Variants in TSC1 observed in about 807,000 individuals in gnomAD.
TSC1 encodes the protein hamartin.
In TSC1, 20 loss-of-function variants were observed where a neutral mutation model predicts 124.3. The observed-to-expected ratio is 0.16, with a 90% CI of 0.11 to 0.23. TSC1 has a LOEUF of 0.23. Ranked by LOEUF, TSC1 falls within the 10% of genes least tolerant of loss-of-function variation. The probability of loss-of-function intolerance (pLI) is 1.00; values close to 1 mark genes in which losing one functional copy is unlikely to be tolerated. For synonymous variants in TSC1, 493 were observed against 539.1 expected (o/e 0.91, Z 1.19); for missense variants, 1,124 against 1,448.5 (o/e 0.78, Z 3.64).
rs1845311671 is a variant in TSC1, at chr9:132,900,552, T to C, written c.2625+163A>G. On this transcript the variant is annotated intron_variant, in intron 20 of 22. Transcript: ENST00000298552. ...CAATAGGAGAAACAAGCTCACATGG[T>C]GGCTGGAAAGTGCTTGTATAGCTGG... 3.5e-6 allele frequency: 4 copies of C among 1,145,042 alleles called. No homozygotes were observed. In the South Asian group the frequency reaches 3.8e-5, roughly 11 times the overall value. 70.9% of individuals were successfully genotyped at this position (1,145,042 alleles called of 1,614,324 possible). A position where few individuals can be genotyped will look rare whatever the true frequency, so the allele number is the denominator to read the frequency against.
rs1844839134 is a variant in TSC1, at chr9:132,892,773, T to A, written c.*3462A>T. 4.3e-6 allele frequency: 1 copy of A among 233,254 alleles called. No homozygotes were observed. Among genetic ancestry groups the A allele is most frequent in the African/African-American group, 2.2e-5 (1 of 45,368 alleles). The allele number at this position is 233,254 out of a possible 1,614,324, so 14.4% of individuals were successfully genotyped here. A position where few individuals can be genotyped will look rare whatever the true frequency, so the allele number is the denominator to read the frequency against. On this transcript the variant is annotated 3_prime_UTR_variant, in exon 23 of 23. Coordinates refer to ENST00000298552, the MANE Select transcript of TSC1 (RefSeq NM_000368.5). ...TTGTCACAGCACACTTCAGTTCTGC[T>A]GGCTACATGAAACGCATACCCAGTT...
At chr9:132,900,570 A>G (rs916949752) in intron 20 of TSC1, 145 bp downstream of exon 20, 7 of 1,373,904 alleles carry the variant, frequency 5.1e-6, no homozygotes, top group Admixed American at 1.7e-5. Flanking sequence ...AAGTGCTTGT[A>G]TAGCTGGACC....
intron 12 of TSC1, 113 bp downstream of exon 12, chr9:132,910,458 C>T: frequency 6.4e-7 from 1 of 1,573,118 alleles, no homozygotes; most frequent in Non-Finnish European, 8.7e-7. Context: ...CTGATTCAAA[C>T]CCATTGCATT....
intron 1 of TSC1, among the ~76,000 whole-genome samples, chr9:132,938,491 A>G (rs1432569461): frequency 6.6e-6 from 1 of 152,272 alleles, no homozygotes; most frequent in Admixed American, 6.5e-5. Context: ...TTTGAGGAAG[A>G]AGATAAGGGC....
intron 9 of TSC1, among the ~76,000 whole-genome samples, chr9:132,911,906 T>C (rs1845986786): frequency 1.3e-5 from 2 of 152,178 alleles, no homozygotes; most frequent in South Asian, 4.1e-4. Flanking sequence ...CAATTCTAAA[T>C]TGTTCCGACT....
chr9:132,911,315 G>C, intron 10 of TSC1, 138 bp downstream of exon 10: 1 of 844,476 alleles, frequency 1.2e-6, no homozygotes, highest in South Asian at 1.3e-5. Context: ...AACTTTCTTT[G>C]CTAATATCAT....
intron 1 of TSC1, among the ~76,000 whole-genome samples, chr9:132,939,468 AG>A (rs1287987823): frequency 2.0e-5 from 3 of 152,218 alleles, no homozygotes; most frequent in Non-Finnish European, 4.4e-5. Context: ...TTCTGCCATC[AG>A]GGGCCTTGAT....
At chr9:132,935,839 C>G (rs926317188) in intron 1 of TSC1, among the ~76,000 whole-genome samples, 2 of 152,248 alleles carry the variant, frequency 1.3e-5, no homozygotes, top group Admixed American at 1.3e-4. Flanking sequence ...CTTAAATGCT[C>G]ACTTCCTCAG....
At chr9:132,900,878 T>C in intron 19 of TSC1, 41 bp from the exon 20 acceptor site, 1 of 1,612,990 alleles carries the variant, frequency 6.2e-7, no homozygotes, top group South Asian at 1.1e-5. Context: ...TCCGACGACA[T>C]AAAACTAGCA....
Position 132,923,320 on chromosome 9 carries a change from C to G in TSC1, c.508+28G>C, listed in dbSNP as rs752527525. ...TAATGAAAGCATTCACCTCACAGGG[C>G]CCAACAGGTATATGAGGAGATCTGT... On this transcript the variant is annotated intron_variant, in intron 6 of 22. Transcript: ENST00000298552. The surrounding 1 kb of genome is among the most constrained non-coding windows in gnomAD (Gnocchi z 4.2). 1 of 1,612,818 alleles carries G rather than the reference C, an allele frequency of 6.2e-7. No individual in the cohort carries two copies. Among genetic ancestry groups the G allele is most frequent in the African/African-American group, 1.3e-5 (1 of 74,860 alleles).
intron 1 of TSC1, among the ~76,000 whole-genome samples, chr9:132,936,228 C>G (rs1168688506): frequency 6.6e-6 from 1 of 152,180 alleles, no homozygotes; most frequent in Non-Finnish European, 1.5e-5. Flanking sequence ...GATCCTCCCA[C>G]CTCAGCCTCC....
At position 132,891,737 on chromosome 9, in the gene TSC1, C is replaced by T; in HGVS notation, c.*4498G>A. 4.3e-6 allele frequency: 1 copy of T among 233,692 alleles called. No individual in the cohort carries two copies. The highest frequency in any genetic ancestry group is 8.5e-6 in the Non-Finnish European group (1 of 118,050). The allele number at this position is 233,692 out of a possible 1,614,324, so 14.5% of individuals were successfully genotyped here. On this transcript the variant is annotated 3_prime_UTR_variant, in exon 23 of 23. Coordinates refer to ENST00000298552, the MANE Select transcript of TSC1 (RefSeq NM_000368.5). ...TGTTCCTCCGTAATATATTTGTGGT[C>T]CATAGAAGTCTTCTGAAAAGTGATT... is the stretch of plus-strand genomic sequence containing the variant.
In TSC1 at chr9:132,923,666, C is replaced by A; in HGVS notation, c.364-174G>T. 1 of 864,144 alleles carries A rather than the reference C, an allele frequency of 1.2e-6. No individual in the cohort carries two copies. Among genetic ancestry groups the A allele is most frequent in the Non-Finnish European group, 1.8e-6 (1 of 550,478 alleles). 53.5% of individuals were successfully genotyped at this position (864,144 alleles called of 1,614,324 possible). ...TGAAGGGATAACATTCAAACAGACT[C>A]AACAGAACACTGAGCCCCAACTCTA... On this transcript the variant is annotated intron_variant, in intron 5 of 22. Coordinates refer to ENST00000298552, the MANE Select transcript of TSC1 (RefSeq NM_000368.5). The surrounding 1 kb of genome is among the most constrained non-coding windows in gnomAD (Gnocchi z 4.2).
In TSC1 at chr9:132,896,730, G is replaced by C. The variant is rs552217429; in HGVS notation, c.3000C>G (p.Cys1000Trp). ...EERLDCCNDGCSDSMVGHNEE... is the reference protein window; with the variant it reads ...EERLDCCNDGWSDSMVGHNEE... ...CATTGTGCCCTACCATGGAATCTGA[G>C]CACCCGTCATTACAACAGTCAAGCC... Residue 1000 changes from cysteine to tryptophan, a missense_variant, in exon 23 of 23, where the codon TGC (cysteine) becomes TGG (tryptophan). Cys to Trp is a radical substitution (Grantham distance 215, BLOSUM62 -2). Coordinates refer to ENST00000298552, the MANE Select transcript of TSC1 (RefSeq NM_000368.5). This position sits in a 1 kb window ranked among gnomAD's most constrained non-coding sequence, Gnocchi z 4.5. 3.1e-6 allele frequency: 5 copies of C among 1,613,730 alleles called. No homozygotes were observed. Among genetic ancestry groups the C allele is most frequent in the Middle Eastern group, 1.6e-4 (1 of 6,062 alleles).
intron 2 of TSC1, among the ~76,000 whole-genome samples, chr9:132,929,522 G>A (rs3827665): frequency 0.092 from 14,030 of 152,182 alleles, 638 homozygotes; most frequent in African/African-American, 0.11. Context: ...CTACAGGGAG[G>A]TATCCATAGA....
chr9:132,903,778 T>C lies in TSC1; in HGVS notation c.2081A>G (p.Gln694Arg). 1 of 1,613,944 alleles carries C rather than the reference T, an allele frequency of 6.2e-7. No individual in the cohort carries two copies. The highest frequency in any genetic ancestry group is 8.5e-7 in the Non-Finnish European group (1 of 1,180,024). ...PSDEIRTLRD[Q>R]LLLLHNQLLY... is the part of the protein sequence containing the mutation. ...TAACTGGTTGTGCAGTAAAAGCAAC[T>C]GGTCTCGGAGGGTGCGGATCTCATC... The change falls in exon 17 of 23, where the codon CAG becomes CGG. Residue 694 changes from glutamine (Q) to arginine (R), a missense_variant. Coordinates refer to ENST00000298552, the MANE Select transcript of TSC1 (RefSeq NM_000368.5). The surrounding 1 kb of genome is among the most constrained non-coding windows in gnomAD (Gnocchi z 5.9).
chr9:132,923,240 T>C lies in TSC1; in HGVS notation c.508+108A>G. The C allele has an allele frequency of 6.8e-7, 1 of 1,471,376 alleles. No homozygotes were observed. Among genetic ancestry groups the C allele is most frequent in the Admixed American group, 2.2e-5 (1 of 46,138 alleles). The allele number at this position is 1,471,376 out of a possible 1,614,324, so 91.1% of individuals were successfully genotyped here. A position where few individuals can be genotyped will look rare whatever the true frequency, so the allele number is the denominator to read the frequency against. Reference sequence around the variant, plus strand: ...CATCTGTCTGGTGAAAACCACTCATTTCAGCTATAAAAGTCTACATGTCCA... The same window carrying C: ...CATCTGTCTGGTGAAAACCACTCATCTCAGCTATAAAAGTCTACATGTCCA... On this transcript the variant is annotated intron_variant, in intron 6 of 22. Coordinates refer to ENST00000298552, the MANE Select transcript of TSC1 (RefSeq NM_000368.5). The surrounding 1 kb of genome is among the most constrained non-coding windows in gnomAD (Gnocchi z 4.2).
intron 2 of TSC1, among the ~76,000 whole-genome samples, 165 bp from the exon 3 acceptor site, chr9:132,929,117 A>C (rs1847061344): frequency 6.6e-6 from 1 of 152,276 alleles, no homozygotes; most frequent in African/African-American, 2.4e-5. Context: ...AAGAAGATAA[A>C]GTGTATGAAT....
upstream of TSC1, chr9:132,944,831 G>A (rs1848001988): frequency 2.6e-6 from 1 of 382,746 alleles, no homozygotes; most frequent in Middle Eastern, 6.6e-4. Context: ...GGCGGGGCCG[G>A]GCGGAAGGAT....
Sources: allele counts gnomAD v4.1 joint callset (sites outside exome capture counted in the v4.1 genomes callset), GRCh38; gene constraint gnomAD v4.1.1; non-coding constraint Gnocchi (gnomAD v3.1); transcripts MANE v1.5; gene names NCBI Gene and HGNC (gene_info 2026-07-23, HGNC 2026-07-21).